Variants in ANO1 observed in about 807,000 individuals in gnomAD.
The protein encoded by ANO1 is anoctamin-1.
ANO1 carries 59 observed loss-of-function variants against 124.0 expected under a neutral mutation model. That is an observed-to-expected ratio of 0.48 (90% CI 0.39 to 0.59). The LOEUF (loss-of-function observed/expected upper bound fraction) is 0.59, where lower values mean the gene tolerates loss of function less well. Ranked by LOEUF, ANO1 falls within the 20% of genes least tolerant of loss-of-function variation. The probability of loss-of-function intolerance (pLI) is 0.00; values close to 1 mark genes in which losing one functional copy is unlikely to be tolerated. For synonymous variants in ANO1, 529 were observed against 532.0 expected, an observed-to-expected ratio of 0.99 and a Z score of 0.08; for missense variants, 1,059 against 1,328.0, an observed-to-expected ratio of 0.80 and a Z score of 3.15.
At chr11:70,149,902 C>A in intron 12 of ANO1, 110 bp downstream of exon 12, 2 of 1,218,614 alleles carry the variant, frequency 1.6e-6, no homozygotes, top group Non-Finnish European at 2.3e-6. Flanking sequence ...ACTTCTGGTC[C>A]AAGCTGAGGC....
At chr11:69,974,742 A>C in the ANO1 span, among the ~76,000 whole-genome samples, 6 of 152,200 alleles carry the variant, frequency 3.9e-5, no homozygotes, top group Middle Eastern at 3.2e-3. Context: ...AAATCTGGCC[A>C]CACCTGTGGC....
chr11:69,992,588 A>G (rs1856177753), intron 1 of ANO1, among the ~76,000 whole-genome samples: 6 of 152,112 alleles, frequency 3.9e-5, no homozygotes, highest in Admixed American at 3.9e-4. Flanking sequence ...CCAGTTAGGT[A>G]TGGCAGGATA....
intron 10 of ANO1, among the ~76,000 whole-genome samples, chr11:70,130,749 C>T (rs1012205918): frequency 1.3e-4 from 20 of 152,188 alleles, no homozygotes; most frequent in Non-Finnish European, 2.6e-4. Flanking sequence ...CTGCACTGAG[C>T]GGGACCCATC....
rs1339334397 is a variant in ANO1, at chr11:70,153,142, T to C, written c.1425+14T>C. The stretch of plus-strand genomic sequence containing the variant: ...AGAAACAAAGAGGTATGGTGGCCAC[T>C]GTGGGTTAACTTTCCCAGCAATAAA... On this transcript the variant is annotated intron_variant, in intron 14 of 25. Coordinates refer to ENST00000355303, the MANE Select transcript of ANO1 (RefSeq NM_018043.7). The C allele has an allele frequency of 6.3e-7, 1 of 1,590,988 alleles. No homozygotes were observed. The highest frequency in any genetic ancestry group is 1.3e-5 in the African/African-American group (1 of 74,526).
chr11:70,185,771 G>A (rs890344420), intron 25 of ANO1, 76 bp downstream of exon 25: 5 of 1,478,904 alleles, frequency 3.4e-6, no homozygotes, highest in Non-Finnish European at 4.7e-6. Context: ...CAGTCTGGAA[G>A]TCAGGAGCTG....
intron 1 of ANO1, among the ~76,000 whole-genome samples, chr11:70,031,173 G>A (rs1555003775): frequency 6.6e-6 from 1 of 152,116 alleles, no homozygotes; most frequent in Admixed American, 6.5e-5. Context: ...TCGAATTCAT[G>A]GTCTTGAGTG....
At chr11:70,068,487 T>A (rs1857788448) in intron 1 of ANO1, among the ~76,000 whole-genome samples, 1 of 151,976 alleles carries the variant, frequency 6.6e-6, no homozygotes, top group Non-Finnish European at 1.5e-5. Flanking sequence ...GCAGGGAGAA[T>A]AATAAGTTGT....
At chr11:70,100,596 G>A (rs1473824341) in intron 2 of ANO1, among the ~76,000 whole-genome samples, 1 of 152,198 alleles carries the variant, frequency 6.6e-6, no homozygotes, top group Non-Finnish European at 1.5e-5. Flanking sequence ...AGAGCTGAAG[G>A]AGAATGAACA....
chr11:70,038,589 C>T (rs573962754), intron 1 of ANO1, among the ~76,000 whole-genome samples: 4 of 152,218 alleles, frequency 2.6e-5, no homozygotes, highest in South Asian at 4.2e-4. Flanking sequence ...CATACAGGGA[C>T]TCTGTTTCCC....
At chr11:70,175,195 A>G (rs1306069629) in intron 22 of ANO1, among the ~76,000 whole-genome samples, 1 of 152,222 alleles carries the variant, frequency 6.6e-6, no homozygotes. Flanking sequence ...CGTCCCCACC[A>G]GCAGCAGGCC....
intron 1 of ANO1, among the ~76,000 whole-genome samples, chr11:70,019,242 C>T (rs1856755918): frequency 7.8e-6 from 1 of 127,476 alleles, no homozygotes; most frequent in African/African-American, 3.1e-5. Context: ...GAAGAACCCC[C>T]CCACACACAC....
At chr11:70,062,811 G>A (rs1423225296) in intron 1 of ANO1, among the ~76,000 whole-genome samples, 1 of 152,230 alleles carries the variant, frequency 6.6e-6, no homozygotes, top group African/African-American at 2.4e-5. Flanking sequence ...GTGAAGCAGT[G>A]ACTATCTAGA....
intron 2 of ANO1, among the ~76,000 whole-genome samples, chr11:70,095,894 A>G (rs547167372): frequency 0.012 from 1,853 of 152,004 alleles, 39 homozygotes; most frequent in African/African-American, 0.042. Context: ...TAGGAGTTCT[A>G]TTTGGTTCTT....
rs1225109756 is a variant in ANO1, at chr11:70,167,306, T to C, written c.2116T>C (p.Cys706Arg). ...KQQSPPDHEE[C>R]VKRKQRYEVD... ...GCAGAGCCCCCCTGACCACGAGGAGTGTGTGAAGAGGAAACAGCGGTACGA... is the reference window on the plus strand; with the variant it reads ...GCAGAGCCCCCCTGACCACGAGGAGCGTGTGAAGAGGAAACAGCGGTACGA... Residue 706 changes from cysteine to arginine, a missense_variant, in exon 21 of 26, where the codon TGT becomes CGT. By Grantham distance (180) the Cys-to-Arg change is radical. Around this residue, in one of 2 missense-constraint regions of ANO1, gnomAD observed 809 missense variants for 1,094.9 expected, o/e 0.74. Coordinates refer to ENST00000355303, the MANE Select transcript of ANO1 (RefSeq NM_018043.7). 6.8e-6 allele frequency: 11 copies of C among 1,612,594 alleles called. No individual in the cohort carries two copies. The highest frequency in any genetic ancestry group is 1.7e-5 in the Admixed American group (1 of 59,842).
At chr11:70,009,895 C>T (rs1164813546) in intron 1 of ANO1, among the ~76,000 whole-genome samples, 2 of 151,978 alleles carry the variant, frequency 1.3e-5, no homozygotes, top group Non-Finnish European at 2.9e-5. Flanking sequence ...ACACTGCACC[C>T]AATGTGTAGT....
chr11:70,123,522 G>A (rs1287573212), intron 8 of ANO1, among the ~76,000 whole-genome samples: 1 of 152,224 alleles, frequency 6.6e-6, no homozygotes, highest in African/African-American at 2.4e-5. Flanking sequence ...CCCCAGCCAT[G>A]ACCTTGACTC....
At chr11:70,026,208 T>C (rs1436546856) in intron 1 of ANO1, among the ~76,000 whole-genome samples, 1 of 150,574 alleles carries the variant, frequency 6.6e-6, no homozygotes, top group Non-Finnish European at 1.5e-5. Flanking sequence ...GTGGTGATGG[T>C]GCTGATGGTG....
chr11:70,165,367 A>T, intron 19 of ANO1, 103 bp from the exon 20 acceptor site: 1 of 932,064 alleles, frequency 1.1e-6, no homozygotes, highest in Non-Finnish European at 1.6e-6. Context: ...CTTTTTTTGG[A>T]GGACGCAGGT....
At chr11:69,977,362 C>T in the ANO1 span, among the ~76,000 whole-genome samples, 1 of 152,208 alleles carries the variant, frequency 6.6e-6, no homozygotes, top group Non-Finnish European at 1.5e-5. Flanking sequence ...AACGTGGTCA[C>T]GAATGGACAA....
Sources: allele counts gnomAD v4.1 joint callset (sites outside exome capture counted in the v4.1 genomes callset), GRCh38; gene constraint gnomAD v4.1.1; regional missense constraint gnomAD v4.1.1; transcripts MANE v1.5; gene names NCBI Gene and HGNC (gene_info 2026-07-23, HGNC 2026-07-21).